Variants in ADCY5 observed in about 807,000 individuals in gnomAD.
ADCY5 encodes the protein adenylate cyclase type 5.
ADCY5 carries 30 observed loss-of-function variants against 119.7 expected under a neutral mutation model. The ratio of observed to expected loss-of-function variants is 0.25; its 90% CI spans 0.19 to 0.34. The LOEUF is 0.34. ADCY5 is among the 10% of genes least tolerant of loss of function. The pLI is 1.00. For missense variants in ADCY5, 1,324 were observed against 1,775.2 expected, an observed-to-expected ratio of 0.75 and a Z score of 4.57; for synonymous variants, 753 against 762.2, an observed-to-expected ratio of 0.99 and a Z score of 0.20.
At chr3:123,343,891 C>T (rs1942397804) in intron 3 of ADCY5, among the ~76,000 whole-genome samples, 1 of 152,206 alleles carries the variant, frequency 6.6e-6, no homozygotes, top group South Asian at 2.1e-4. Flanking sequence ...TGTCACCACA[C>T]GTCAGACAGG....
At chr3:123,445,577 G>A (rs1239614501) in intron 1 of ADCY5, among the ~76,000 whole-genome samples, 3 of 152,158 alleles carry the variant, frequency 2.0e-5, no homozygotes, top group African/African-American at 7.2e-5. Flanking sequence ...CGAGTCCTCG[G>A]GTCAAAAGAG....
chr3:123,445,807 T>A (rs1283627009), intron 1 of ADCY5, among the ~76,000 whole-genome samples: 1 of 152,138 alleles, frequency 6.6e-6, no homozygotes, highest in East Asian at 1.9e-4. Flanking sequence ...TGCACTGTGC[T>A]TAGGTAAGGG....
chr3:123,404,965 G>A (rs1427942416), intron 1 of ADCY5, among the ~76,000 whole-genome samples: 5 of 152,212 alleles, frequency 3.3e-5, no homozygotes, highest in African/African-American at 1.2e-4. Flanking sequence ...GTTTATCTTG[G>A]GGTCTCAGCA....
chr3:123,391,752 T>C (rs758931691), intron 1 of ADCY5, among the ~76,000 whole-genome samples: 2 of 152,200 alleles, frequency 1.3e-5, no homozygotes, highest in Non-Finnish European at 2.9e-5. Flanking sequence ...TAACCTCCAC[T>C]TGCACAACTC....
chr3:123,423,827 T>C lies in ADCY5; in HGVS notation c.1134+23585A>G, dbSNP rs555724255. 3.9e-4 allele frequency among the ~76,000 whole-genome samples: 59 copies of C among 152,158 alleles called. 2 individuals are homozygous for C. The South Asian group carries it at 0.011, about 29-fold the overall frequency. On this transcript the variant is annotated intron_variant, in intron 1 of 20. Transcript: ENST00000462833. ...GGGTGGCCAGCTCAGTGGGAGAGCA[T>C]AGGTGGCCACCCCAGGACTCAGCCC...
At chr3:123,400,049 T>C (rs1004226026) in intron 1 of ADCY5, among the ~76,000 whole-genome samples, 6 of 152,222 alleles carry the variant, frequency 3.9e-5, no homozygotes, top group African/African-American at 1.4e-4. Context: ...AGCAGTTACA[T>C]GTTCTCTTGC....
In ADCY5 at chr3:123,448,133, C is replaced by A; in HGVS notation, c.413G>T (p.Gly138Val). Residue 138 changes from glycine (G) to valine (V), a missense_variant, in exon 1 of 21, where the codon GGC becomes GTC. Transcript: ENST00000462833. The part of the protein sequence containing the change: ...TRAPPAGGGG[G>V]SAAAAASAGG... ...CGCCGAGGCAGCCGCCGCCGCCGAGCCGCCGCCGCCGCCCGCAGGGGGCGC... is the reference window on the plus strand; with the variant it reads ...CGCCGAGGCAGCCGCCGCCGCCGAGACGCCGCCGCCGCCCGCAGGGGGCGC... The A allele has an allele frequency of 9.8e-7, 1 of 1,022,288 alleles. No homozygotes were observed. Among genetic ancestry groups the A allele is most frequent in the Non-Finnish European group, 1.2e-6 (1 of 859,316 alleles). The allele number at this position is 1,022,288 out of a possible 1,614,324, so 63.3% of individuals were successfully genotyped here. A position where few individuals can be genotyped will look rare whatever the true frequency, so the allele number is the denominator to read the frequency against.
In ADCY5 at chr3:123,401,590, A is replaced by G. The variant is rs537208387; in HGVS notation, c.1134+45822T>C. On this transcript the variant is annotated intron_variant, in intron 1 of 20. Coordinates refer to ENST00000462833, the MANE Select transcript of ADCY5 (RefSeq NM_183357.3). ...AACAGCTTTGCCCAGGGGCACCTAC[A>G]TAAGATTTTGTTGGAACAAGTGGTG... 3.9e-4 allele frequency among the ~76,000 whole-genome samples: 60 copies of G among 152,346 alleles called. 2 individuals are homozygous for G. The South Asian group carries it at 0.011, about 29-fold the overall frequency.
At chr3:123,331,104 T>G in intron 4 of ADCY5, 88 bp from the exon 5 acceptor site, 2 of 1,437,408 alleles carry the variant, frequency 1.4e-6, no homozygotes, top group South Asian at 1.3e-5. Flanking sequence ...ATTCACCCCG[T>G]GCCTGGAATA....
intron 1 of ADCY5, among the ~76,000 whole-genome samples, chr3:123,365,344 A>G (rs895598441): frequency 2.6e-5 from 4 of 152,224 alleles, no homozygotes; most frequent in African/African-American, 9.6e-5. Context: ...TGATCACAGC[A>G]GAACTTTGGG....
chr3:123,422,464 C>T (rs1469724053), intron 1 of ADCY5, among the ~76,000 whole-genome samples: 1 of 152,218 alleles, frequency 6.6e-6, no homozygotes, highest in Non-Finnish European at 1.5e-5. Flanking sequence ...GATGGAGACA[C>T]TGAGGGTCAG....
intron 1 of ADCY5, among the ~76,000 whole-genome samples, chr3:123,376,378 C>G (rs1943834093): frequency 6.6e-6 from 1 of 151,644 alleles, no homozygotes; most frequent in Non-Finnish European, 1.5e-5. Flanking sequence ...ACTAGGACAG[C>G]TAAGGGGTTC....
chr3:123,382,854 A>T (rs1217748336), intron 1 of ADCY5, among the ~76,000 whole-genome samples: 1 of 115,434 alleles, frequency 8.7e-6, no homozygotes, highest in Non-Finnish European at 1.7e-5. Flanking sequence ...CACCATGGTG[A>T]ATGTACGTAA....
intron 1 of ADCY5, among the ~76,000 whole-genome samples, chr3:123,395,072 T>A (rs1026468168): frequency 1.3e-5 from 2 of 152,174 alleles, no homozygotes; most frequent in African/African-American, 4.8e-5. Flanking sequence ...GTGGGCCTTG[T>A]GTGATGTGCA....
At chr3:123,303,295 C>T (rs950484174) in intron 13 of ADCY5, 76 bp from the exon 14 acceptor site, 28 of 1,461,780 alleles carry the variant, frequency 1.9e-5, no homozygotes, top group East Asian at 7.1e-5. Flanking sequence ...CCCACCAGGC[C>T]GCAGGCTCCC....
At chr3:123,341,436 C>T (rs1321176782) in intron 3 of ADCY5, among the ~76,000 whole-genome samples, 4 of 151,920 alleles carry the variant, frequency 2.6e-5, no homozygotes, top group Non-Finnish European at 5.9e-5. Context: ...GTCAAAATCA[C>T]AGAGACAGAA....
rs201328157 is a variant in ADCY5, at chr3:123,352,444, C to T, written c.1272G>A (p.Glu424=). ...GGGCCTCACTCACCTGCTGCTGGTT[C>T]TCCCGCTGCGAGTGGAGCCGCGCCT... ...CIQARLHSQR[E]NQQQERLLLS... The change falls in exon 2 of 21, where the codon GAG becomes GAA. Residue 424 remains glutamate, a synonymous_variant. Coordinates refer to ENST00000462833, the MANE Select transcript of ADCY5 (RefSeq NM_183357.3). The surrounding 1 kb of genome is among the most constrained non-coding windows in gnomAD (Gnocchi z 4.8). The T allele has an allele frequency of 6.2e-7, 1 of 1,612,676 alleles. No homozygotes were observed.
chr3:123,411,639 C>A (rs1261656772), intron 1 of ADCY5, among the ~76,000 whole-genome samples: 1 of 152,184 alleles, frequency 6.6e-6, no homozygotes, highest in Non-Finnish European at 1.5e-5. Flanking sequence ...CCACAGAGTG[C>A]CAGGCCCAGC....
chr3:123,445,346 CCA>C (rs1489972555), intron 1 of ADCY5, among the ~76,000 whole-genome samples: 1 of 150,156 alleles, frequency 6.7e-6, no homozygotes, highest in African/African-American at 2.5e-5. Context: ...GGGGCCCCCC[CCA>C]AGGCTCAGCA....
Sources: allele counts gnomAD v4.1 joint callset (sites outside exome capture counted in the v4.1 genomes callset), GRCh38; gene constraint gnomAD v4.1.1; non-coding constraint Gnocchi (gnomAD v3.1); transcripts MANE v1.5; gene names NCBI Gene and HGNC (gene_info 2026-07-23, HGNC 2026-07-21).